The following DHTKD1 variants were observed in gnomAD, a reference collection of about 807,000 sequenced individuals.
The protein encoded by DHTKD1 is 2-oxoadipate dehydrogenase complex component E1.
DHTKD1 carries 78 observed loss-of-function variants against 101.8 expected under a neutral mutation model. That is an observed-to-expected ratio of 0.77 (90% CI 0.64 to 0.93). DHTKD1 has a LOEUF of 0.93. Among genes scored for constraint, DHTKD1 ranks in the 40% least tolerant of loss-of-function variants. The pLI is 0.00. For missense variants in DHTKD1, 1,223 were observed against 1,161.7 expected (o/e 1.05, Z -0.77); for synonymous variants, 462 against 450.3 (o/e 1.03, Z -0.33).
intron 8 of DHTKD1, among the ~76,000 whole-genome samples, 198 bp downstream of exon 8, chr10:12,098,194 C>G (rs544714880): frequency 6.6e-6 from 1 of 152,162 alleles, no homozygotes; most frequent in Non-Finnish European, 1.5e-5. Flanking sequence ...TCTTTTTCCT[C>G]CATGTATTTA....
Position 12,089,235 on chromosome 10 carries a change from G to T in DHTKD1, c.967G>T (p.Asp323Tyr), listed in dbSNP as rs529235889. 5 of 1,614,076 alleles carry T rather than the reference G, an allele frequency of 3.1e-6. No homozygotes were observed. In the East Asian group the frequency reaches 6.7e-5, roughly 22 times the overall value. The change falls in exon 5 of 17, where the codon GAC (aspartate) becomes TAC (tyrosine). Residue 323 changes from aspartate to tyrosine, a missense_variant. Physicochemically the swap from Asp to Tyr is radical, Grantham distance 160 (BLOSUM62 -3). Transcript: ENST00000263035. Reference protein sequence around the residue: ...YSPDNSAQPGDRVICLQVHGD... With the variant: ...YSPDNSAQPGYRVICLQVHGD... Reference sequence around the variant, plus strand: ...TCCAGACAACTCAGCCCAGCCGGGGGACAGGGTCATTTGCTTACAGGTACT... The same window carrying T: ...TCCAGACAACTCAGCCCAGCCGGGGTACAGGGTCATTTGCTTACAGGTACT...
intron 1 of DHTKD1, among the ~76,000 whole-genome samples, chr10:12,075,900 G>T (rs181110998): frequency 1.2e-4 from 17 of 142,214 alleles, no homozygotes; most frequent in African/African-American, 1.8e-4. Context: ...TACTTCTTTT[G>T]TTTTTTCTTT....
intron 9 of DHTKD1, 27 bp downstream of exon 9, chr10:12,100,289 T>TTTTTTTTTTTGTTG: frequency 2.4e-6 from 2 of 819,410 alleles, no homozygotes; most frequent in Non-Finnish European, 3.6e-6. Flanking sequence ...TTTTTTCTGT[T>TTTTTTTTTTTGTTG]TTTTTTTTTT....
At chr10:12,082,091 C>T (rs1479017714) in intron 2 of DHTKD1, among the ~76,000 whole-genome samples, 3 of 152,014 alleles carry the variant, frequency 2.0e-5, no homozygotes, top group Non-Finnish European at 4.4e-5. Flanking sequence ...CGTGCCACTG[C>T]ACTCCAGCCT....
At position 12,107,977 on chromosome 10, in the gene DHTKD1, C is replaced by T. The variant is rs763819099; in HGVS notation, c.2116C>T (p.Pro706Ser). The change falls in exon 12 of 17, where the codon CCA becomes TCA. Residue 706 changes from proline (P) to serine (S), a missense_variant. By Grantham distance (74) the Pro-to-Ser change is moderately conservative. Transcript: ENST00000263035. The surrounding 1 kb of genome is among the most constrained non-coding windows in gnomAD (Gnocchi z 4.1). ...TCCACATGGCTACGATGGGGCTGGG[C>T]CAGACCACTCATCCTGTCGAATAGA... ...LLPHGYDGAG[P>S]DHSSCRIERF... is the part of the protein sequence containing the mutation. 8 of 1,613,928 alleles carry T rather than the reference C, an allele frequency of 5.0e-6. No homozygotes were observed. In the Admixed American group the frequency reaches 6.7e-5, roughly 13 times the overall value.
At chr10:12,100,287 G>GCTTTTTTTTTTTTTTT (rs774056019) in intron 9 of DHTKD1, 25 bp downstream of exon 9, 10 of 272,272 alleles carry the variant, frequency 3.7e-5, no homozygotes, top group African/African-American at 3.6e-4. Context: ...TTTTTTTTCT[G>GCTTTTTTTTTTTTTTT]TTTTTTTTTT....
intron 9 of DHTKD1, 29 bp downstream of exon 9, chr10:12,100,291 T>TG: frequency 1.2e-6 from 1 of 863,274 alleles, no homozygotes; most frequent in Non-Finnish European, 1.7e-6. Flanking sequence ...TTTTCTGTTT[T>TG]TTTTTTTTTT....
rs1244804887 is a variant in DHTKD1 at position 12,097,817 on chromosome 10, T to G, written c.1492T>G (p.Tyr498Asp). 2 of 1,614,102 alleles carry G rather than the reference T, an allele frequency of 1.2e-6. No individual in the cohort carries two copies. The highest frequency in any genetic ancestry group is 2.7e-5 in the African/African-American group (2 of 74,948). Reference sequence around the variant, plus strand: ...TGATCACTTAAATAACATGGCCCACTACAGGCCCCCTGCCCTGAACCTGCA... The same window carrying G: ...TGATCACTTAAATAACATGGCCCACGACAGGCCCCCTGCCCTGAACCTGCA... ...LNDHLNNMAH[Y>D]RPPALNLQAH... Residue 498 changes from tyrosine (Y) to aspartate (D), a missense_variant, in exon 8 of 17, where the codon TAC becomes GAC. Transcript: ENST00000263035.
chr10:12,082,992 T>C (rs1366699986), intron 2 of DHTKD1, among the ~76,000 whole-genome samples: 1 of 151,664 alleles, frequency 6.6e-6, no homozygotes, highest in African/African-American at 2.4e-5. Context: ...AACAAAAAAA[T>C]TAGCTGAGTG....
intron 6 of DHTKD1, among the ~76,000 whole-genome samples, chr10:12,092,875 GT>G (rs1012164987): frequency 7.9e-5 from 12 of 151,966 alleles, no homozygotes; most frequent in Admixed American, 6.6e-4. Flanking sequence ...AAATTGGTAG[GT>G]TTTTTTGTTG....
At chr10:12,108,050 T>C (rs763099691) in intron 12 of DHTKD1, 35 bp downstream of exon 12, 2 of 1,525,688 alleles carry the variant, frequency 1.3e-6, no homozygotes, top group African/African-American at 2.7e-5. Context: ...AATGAATCAT[T>C]TTCCTGCTTC....
At chr10:12,081,153 T>G (rs1832809909) in intron 1 of DHTKD1, among the ~76,000 whole-genome samples, 1 of 151,032 alleles carries the variant, frequency 6.6e-6, no homozygotes, top group African/African-American at 2.4e-5. Context: ...ACAAAAAAAT[T>G]AGCCAGGCTA....
chr10:12,082,634 G>C (rs1159209619), intron 2 of DHTKD1, among the ~76,000 whole-genome samples: 1 of 146,594 alleles, frequency 6.8e-6, no homozygotes, highest in South Asian at 2.1e-4. Flanking sequence ...TTTTTGAGAC[G>C]GGCCTCCAAA....
At chr10:12,112,382 G>A (rs534646272) in intron 12 of DHTKD1, among the ~76,000 whole-genome samples, 7 of 152,196 alleles carry the variant, frequency 4.6e-5, no homozygotes, top group African/African-American at 1.4e-4. Context: ...TTGGGGAAGG[G>A]TTAGGAGTTA....
rs1259286821 is a variant in DHTKD1 at position 12,121,454 on chromosome 10, A to G, written c.*566A>G. On this transcript the variant is annotated 3_prime_UTR_variant, in exon 17 of 17. Transcript: ENST00000263035. The stretch of plus-strand genomic sequence containing the variant: ...AATAGGAAAACAACAAAAGAAAAAC[A>G]ATAACAAAAAAAGAAAGTGTGATGG... The G allele has an allele frequency of 6.5e-6, 1 of 152,746 alleles. No individual in the cohort carries two copies. The highest frequency in any genetic ancestry group is 1.5e-5 in the Non-Finnish European group (1 of 68,502). 9.5% of individuals were successfully genotyped at this position (152,746 alleles called of 1,614,324 possible). A position where few individuals can be genotyped will look rare whatever the true frequency, so the allele number is the denominator to read the frequency against.
intron 1 of DHTKD1, among the ~76,000 whole-genome samples, chr10:12,079,398 G>A (rs909074186): frequency 6.6e-6 from 1 of 152,176 alleles, no homozygotes; most frequent in Non-Finnish European, 1.5e-5. Flanking sequence ...AGCTGGGTGC[G>A]GTGGCTCATG....
At chr10:12,118,318 AC>A (rs1330575540) in intron 14 of DHTKD1, among the ~76,000 whole-genome samples, 2 of 148,088 alleles carry the variant, frequency 1.4e-5, no homozygotes, top group African/African-American at 5.0e-5. Flanking sequence ...GGCTGCAGAG[AC>A]CCCCACCACC....
chr10:12,091,581 A>G lies in DHTKD1; in HGVS notation c.1056A>G (p.Pro352=), dbSNP rs2131360696. 1 of 1,613,400 alleles carries G rather than the reference A, an allele frequency of 6.2e-7. No homozygotes were observed. The highest frequency in any genetic ancestry group is 8.5e-7 in the Non-Finnish European group (1 of 1,179,936). ...VPETFTLSNL[P]HFRIGGSVHL... is the part of the protein sequence containing the mutation. ...AAACATTCACGCTGTCCAATCTCCC[A>G]CATTTCAGAATTGGTGGGAGTGTGC... Residue 352 remains proline (P), a synonymous_variant, in exon 6 of 17, where the codon CCA becomes CCG. Coordinates refer to ENST00000263035, the MANE Select transcript of DHTKD1 (RefSeq NM_018706.7).
intron 16 of DHTKD1, 42 bp downstream of exon 16, chr10:12,120,309 G>A: frequency 6.7e-7 from 1 of 1,495,578 alleles, no homozygotes; most frequent in South Asian, 1.2e-5. Context: ...TGTTTTGTGT[G>A]CATGTTGTTT....
Sources: gnomAD v4.1 joint callset for allele counts (sites outside exome capture counted in the v4.1 genomes callset) on GRCh38, gnomAD v4.1.1 for gene constraint, Gnocchi (gnomAD v3.1) non-coding constraint, MANE v1.5 for transcripts, NCBI Gene and HGNC (gene_info 2026-07-23, HGNC 2026-07-21) for gene names.